Variants in RGS6 observed in about 807,000 individuals in gnomAD.
RGS6 encodes the protein regulator of G protein signaling 6.
RGS6 carries 30 observed loss-of-function variants against 78.5 expected under a neutral mutation model. The ratio of observed to expected loss-of-function variants is 0.38; its 90% CI spans 0.29 to 0.52. The LOEUF is 0.52. RGS6 is among the 20% of genes least tolerant of loss of function. The pLI, the probability that RGS6 is intolerant of heterozygous loss-of-function variation, is 0.85. For synonymous variants in RGS6, 206 were observed against 206.0 expected (o/e 1.00, Z 0.00); for missense variants, 495 against 609.7 (o/e 0.81, Z 1.98).
chr14:72,516,162 C>G (rs774007762), intron 14 of RGS6, among the ~76,000 whole-genome samples: 13 of 152,344 alleles, frequency 8.5e-5, no homozygotes, highest in Non-Finnish European at 1.3e-4. Context: ...CCAGGTTCCC[C>G]GCATCTTTCA....
At chr14:72,340,845 A>AC (rs1425487619) in intron 2 of RGS6, among the ~76,000 whole-genome samples, 7 of 152,168 alleles carry the variant, frequency 4.6e-5, no homozygotes, top group Non-Finnish European at 7.3e-5. Context: ...GATGTAGAGG[A>AC]CCAGGAGTGA....
chr14:71,889,910 C>T, the RGS6 span, among the ~76,000 whole-genome samples: 1 of 152,080 alleles, frequency 6.6e-6, no homozygotes, highest in Non-Finnish European at 1.5e-5. Flanking sequence ...CTCTCTCTCT[C>T]TTTCTTGCTC....
chr14:72,284,087 C>T (rs114734712), intron 2 of RGS6, among the ~76,000 whole-genome samples: 2,062 of 152,240 alleles, frequency 0.014, 34 homozygotes, highest in African/African-American at 0.046. Flanking sequence ...GAAGAAATTG[C>T]TAAGCAGCAA....
intron 2 of RGS6, among the ~76,000 whole-genome samples, chr14:72,080,950 G>T (rs752208853): frequency 6.6e-6 from 1 of 152,104 alleles, no homozygotes; most frequent in Admixed American, 6.6e-5. Flanking sequence ...ATCAGGTAGT[G>T]TGATGTCTCC....
At chr14:72,316,851 A>G (rs562037107) in intron 2 of RGS6, among the ~76,000 whole-genome samples, 104 of 151,350 alleles carry the variant, frequency 6.9e-4, no homozygotes, top group African/African-American at 2.5e-3. Context: ...GGTAGCTACT[A>G]GCTTATAAAC....
chr14:72,629,552 C>T, the RGS6 span: 5 of 1,392,808 alleles, frequency 3.6e-6, no homozygotes, highest in South Asian at 3.7e-5. Flanking sequence ...AGAGTCCTTC[C>T]TTCCTCTTCA....
rs191009277 is a variant in RGS6, at chr14:71,986,578, C to T, written c.84+21703C>T. 5.9e-5 allele frequency among the ~76,000 whole-genome samples: 9 copies of T among 151,832 alleles called. No individual in the cohort carries two copies. In the East Asian group the frequency reaches 1.2e-3, roughly 20 times the overall value. On this transcript the variant is annotated intron_variant, in intron 2 of 17. Transcript: ENST00000553525. ...TACAAAAGTTGTCTGGGTGTGGTGG[C>T]GTGCACCTGTAATCCCAACTACTCA...
At chr14:71,983,832 A>G (rs187939445) in intron 2 of RGS6, among the ~76,000 whole-genome samples, 1 of 152,370 alleles carries the variant, frequency 6.6e-6, no homozygotes, top group Non-Finnish European at 1.5e-5. Flanking sequence ...ACTACAAAAT[A>G]TCTTTTTGAC....
At chr14:72,264,403 G>A (rs1034689136) in intron 2 of RGS6, among the ~76,000 whole-genome samples, 3 of 152,216 alleles carry the variant, frequency 2.0e-5, no homozygotes, top group African/African-American at 4.8e-5. Context: ...TTCACTTTGA[G>A]TGGTTACTGG....
intron 3 of RGS6, among the ~76,000 whole-genome samples, chr14:72,451,696 G>C (rs1566880772): frequency 2.0e-5 from 3 of 152,164 alleles, no homozygotes; most frequent in African/African-American, 7.2e-5. Context: ...AGGCCTGGGG[G>C]AGAACTCAGC....
At chr14:72,615,026 G>A in the RGS6 span, among the ~76,000 whole-genome samples, 1 of 152,096 alleles carries the variant, frequency 6.6e-6, no homozygotes, top group South Asian at 2.1e-4. Flanking sequence ...GGGACTTGCG[G>A]CATCCTGTGG....
chr14:72,234,794 C>T (rs2050572083), intron 2 of RGS6, among the ~76,000 whole-genome samples: 1 of 152,072 alleles, frequency 6.6e-6, no homozygotes, highest in Admixed American at 6.6e-5. Context: ...TGTCATCTTC[C>T]TTTGAGAGCA....
chr14:72,272,277 A>G (rs2060059837), intron 2 of RGS6, among the ~76,000 whole-genome samples: 1 of 152,160 alleles, frequency 6.6e-6, no homozygotes, highest in African/African-American at 2.4e-5. Flanking sequence ...ACCATACTCA[A>G]TGCAATTGAG....
rs193198523 is a variant in RGS6 at position 72,507,757 on chromosome 14, C to T, written c.966-2397C>T. Among the ~76,000 whole-genome samples the T allele has an allele frequency of 5.6e-4, 86 of 152,338 alleles. 2 individuals are homozygous for T. Among genetic ancestry groups the T allele is most frequent in the Admixed American group, 4.6e-3 (71 of 15,302 alleles). Reference sequence around the variant, plus strand: ...ACTACAAAGTCTGAGTGAATTTCTACAGCTGCTAATATGGGCACAGCCCTC... The same window carrying T: ...ACTACAAAGTCTGAGTGAATTTCTATAGCTGCTAATATGGGCACAGCCCTC... On this transcript the variant is annotated intron_variant, in intron 13 of 17. Coordinates refer to ENST00000553525, the MANE Select transcript of RGS6 (RefSeq NM_001204424.2).
chr14:72,588,684 A>G, the RGS6 span, among the ~76,000 whole-genome samples: 1 of 152,186 alleles, frequency 6.6e-6, no homozygotes, highest in Admixed American at 6.5e-5. Context: ...GTGACCACGC[A>G]TGTCACTGTT....
intron 1 of RGS6, 102 bp downstream of exon 1, chr14:71,933,043 C>T (rs931440786): frequency 2.0e-5 from 3 of 152,352 alleles, no homozygotes; most frequent in African/African-American, 7.2e-5. Flanking sequence ...GTGTTGATTT[C>T]ATCTCCTGGG....
At chr14:72,442,785 C>T (rs2095252211) in intron 3 of RGS6, among the ~76,000 whole-genome samples, 1 of 152,128 alleles carries the variant, frequency 6.6e-6, no homozygotes, top group South Asian at 2.1e-4. Flanking sequence ...ATACCCAAGC[C>T]GTGTGCCTCC....
At chr14:72,092,855 A>T (rs1196185343) in intron 2 of RGS6, among the ~76,000 whole-genome samples, 1 of 152,226 alleles carries the variant, frequency 6.6e-6, no homozygotes, top group Non-Finnish European at 1.5e-5. Flanking sequence ...ACCAATGTTG[A>T]TAAAGTATGT....
At chr14:72,541,336 T>C (rs2097324284) in intron 17 of RGS6, 1 of 1,346,818 alleles carries the variant, frequency 7.4e-7, no homozygotes. Flanking sequence ...TTTAAGTGCA[T>C]TTAAACATTA....
Sources: gnomAD v4.1 joint callset for allele counts (sites outside exome capture counted in the v4.1 genomes callset) on GRCh38, gnomAD v4.1.1 for gene constraint, MANE v1.5 for transcripts, NCBI Gene and HGNC (gene_info 2026-07-23, HGNC 2026-07-21) for gene names.